PPP1R21: variants seen among roughly 807,000 people sequenced by gnomAD.
PPP1R21 encodes the protein protein phosphatase 1 regulatory subunit 21.
In PPP1R21, 85 loss-of-function variants were observed where a neutral mutation model predicts 112.8. The observed-to-expected ratio is 0.75, with a 90% CI of 0.63 to 0.90. The LOEUF (loss-of-function observed/expected upper bound fraction) is 0.90. Ranked by LOEUF, PPP1R21 falls within the 40% of genes least tolerant of loss-of-function variation. The probability of loss-of-function intolerance (pLI) is 0.00; values close to 1 mark genes in which losing one functional copy is unlikely to be tolerated. For synonymous variants in PPP1R21, 381 were observed against 322.3 expected (o/e 1.18, Z -1.95); for missense variants, 1,199 against 901.5 (o/e 1.33, Z -4.23).
intron 15 of PPP1R21, 98 bp from the exon 16 acceptor site, chr2:48,495,581 T>A: frequency 1.4e-6 from 1 of 691,448 alleles, no homozygotes; most frequent in East Asian, 2.5e-5. Flanking sequence ...CATCTGAATT[T>A]ATTGTCACAC....
intron 12 of PPP1R21, among the ~76,000 whole-genome samples, chr2:48,478,543 T>A (rs571583800): frequency 3.9e-5 from 6 of 152,318 alleles, no homozygotes; most frequent in African/African-American, 1.4e-4. Context: ...GCTGATTGAT[T>A]GCTCTCATTT....
At chr2:48,512,808 G>C (rs886247332) in intron 21 of PPP1R21, among the ~76,000 whole-genome samples, 4 of 149,706 alleles carry the variant, frequency 2.7e-5, no homozygotes, top group African/African-American at 7.3e-5. Context: ...CTTGAGCTTG[G>C]GGGTAAGGGA....
intron 9 of PPP1R21, among the ~76,000 whole-genome samples, chr2:48,469,287 GTGTGTGTGTATGTA>G (rs1432922625): frequency 3.8e-5 from 2 of 51,998 alleles, no homozygotes; most frequent in East Asian, 4.0e-4. Flanking sequence ...GTGTGTGTGT[GTGTGTGTGTATGTA>G]TATATATACA....
At chr2:48,479,319 C>T (rs1476048489) in intron 12 of PPP1R21, among the ~76,000 whole-genome samples, 1 of 152,214 alleles carries the variant, frequency 6.6e-6, no homozygotes, top group Non-Finnish European at 1.5e-5. Flanking sequence ...ATTTCTGTCT[C>T]CCTGAGCTGT....
At position 48,440,971 on chromosome 2, in the gene PPP1R21, G is replaced by A. The variant is rs548483183; in HGVS notation, c.18G>A (p.Leu6=). The A allele has an allele frequency of 3.1e-6, 5 of 1,612,022 alleles. No homozygotes were observed. The highest frequency in any genetic ancestry group is 1.7e-5 in the Admixed American group (1 of 59,932). The change falls in exon 1 of 22, where the codon TTG becomes TTA. Residue 6 remains leucine, a synonymous_variant. Coordinates refer to ENST00000294952, the MANE Select transcript of PPP1R21 (RefSeq NM_001135629.3). ...GGGAGGCCATGGCCTCGGCTGAGTT[G>A]CAGGGGAAGTACCAGAAGCTGGCTC... MASAE[L]QGKYQKLAQE... is the part of the protein sequence containing the mutation.
intron 21 of PPP1R21, 74 bp from the exon 22 acceptor site, chr2:48,514,641 G>C: frequency 9.1e-7 from 1 of 1,101,000 alleles, no homozygotes. Flanking sequence ...CTTTCAGACA[G>C]CTTGGTTTAT....
chr2:48,472,073 C>T (rs13028156), intron 11 of PPP1R21, among the ~76,000 whole-genome samples: 1 of 151,496 alleles, frequency 6.6e-6, no homozygotes, highest in Non-Finnish European at 1.5e-5. Context: ...AACCCCGCCT[C>T]TTCTAAAAAT....
chr2:48,505,201 A>G lies in PPP1R21; in HGVS notation c.1936-363A>G, dbSNP rs923509484. 8.5e-5 allele frequency among the ~76,000 whole-genome samples: 13 copies of G among 152,216 alleles called. 1 individual carries two copies. Among genetic ancestry groups the G allele is most frequent in the African/African-American group, 3.1e-4 (13 of 41,454 alleles). On this transcript the variant is annotated intron_variant, in intron 17 of 21. Transcript: ENST00000294952. The stretch of plus-strand genomic sequence containing the variant: ...ATGTTTAATTATTATGGTCACCGTA[A>G]AAACGTCTTTACCCCTTCTTGGCTA...
chr2:48,473,820 T>G (rs1668626814), intron 11 of PPP1R21, among the ~76,000 whole-genome samples: 1 of 152,196 alleles, frequency 6.6e-6, no homozygotes, highest in African/African-American at 2.4e-5. Context: ...TTAAAAACCT[T>G]GTAATTAAGT....
chr2:48,457,060 A>AG (rs1667761007), intron 3 of PPP1R21, among the ~76,000 whole-genome samples: 1 of 152,064 alleles, frequency 6.6e-6, no homozygotes, highest in Non-Finnish European at 1.5e-5. Context: ...TCAAAAAAAA[A>AG]AAGATACATG....
intron 4 of PPP1R21, among the ~76,000 whole-genome samples, chr2:48,458,961 A>G (rs968758738): frequency 6.6e-6 from 1 of 151,916 alleles, no homozygotes; most frequent in Non-Finnish European, 1.5e-5. Flanking sequence ...GCGTGGTGGT[A>G]GACACCTGTA....
At chr2:48,488,704 A>G (rs1408607845) in intron 14 of PPP1R21, among the ~76,000 whole-genome samples, 2 of 152,162 alleles carry the variant, frequency 1.3e-5, no homozygotes, top group African/African-American at 4.8e-5. Flanking sequence ...TCTGATCTTC[A>G]CTCTGGAATT....
rs1049655756 is a variant in PPP1R21 at position 48,495,743 on chromosome 2, C to T, written c.1664C>T (p.Thr555Ile). The T allele has an allele frequency of 7.5e-6, 12 of 1,610,484 alleles. No individual in the cohort carries two copies. In the East Asian group the frequency reaches 1.1e-4, roughly 15 times the overall value. ...AACCGCCGCATCCTTCTCAGCTCTACTGAAAGTCGAGAAGGCCTTGCACAG... is the reference window on the plus strand; with the variant it reads ...AACCGCCGCATCCTTCTCAGCTCTATTGAAAGTCGAGAAGGCCTTGCACAG... The part of the protein sequence containing the change: ...LANRRILLSS[T>I]ESREGLAQQV... The change falls in exon 16 of 22, where the codon ACT becomes ATT. Residue 555 changes from threonine to isoleucine, a missense_variant. Thr to Ile is a moderately conservative substitution (Grantham distance 89). Coordinates refer to ENST00000294952, the MANE Select transcript of PPP1R21 (RefSeq NM_001135629.3).
intron 6 of PPP1R21, among the ~76,000 whole-genome samples, chr2:48,460,490 A>G (rs1429460335): frequency 2.0e-5 from 3 of 152,324 alleles, no homozygotes; most frequent in South Asian, 2.1e-4. Flanking sequence ...CACCATGCCA[A>G]TCTTTTAATG....
intron 14 of PPP1R21, among the ~76,000 whole-genome samples, chr2:48,489,413 A>G (rs745889139): frequency 2.0e-5 from 3 of 150,680 alleles, no homozygotes; most frequent in Non-Finnish European, 3.0e-5. Flanking sequence ...AGGTAAGAGG[A>G]TTACTTGAGC....
intron 13 of PPP1R21, among the ~76,000 whole-genome samples, chr2:48,482,916 C>A (rs555447908): frequency 2.6e-5 from 4 of 152,104 alleles, no homozygotes; most frequent in Non-Finnish European, 4.4e-5. Flanking sequence ...TGCCATTCTT[C>A]CTGATGCTAT....
chr2:48,504,320 C>T (rs1273998912), intron 17 of PPP1R21, among the ~76,000 whole-genome samples: 1 of 152,140 alleles, frequency 6.6e-6, no homozygotes, highest in Non-Finnish European at 1.5e-5. Context: ...CAGAACAATA[C>T]TCCAGAGGAA....
chr2:48,443,740 A>G (rs1057082421), intron 1 of PPP1R21, among the ~76,000 whole-genome samples: 10 of 152,238 alleles, frequency 6.6e-5, no homozygotes, highest in African/African-American at 1.9e-4. Context: ...GGCAATTTCT[A>G]GATAAGATCT....
intron 1 of PPP1R21, chr2:48,441,400 A>C: frequency 3.3e-6 from 1 of 302,738 alleles, no homozygotes; most frequent in Non-Finnish European, 6.6e-6. Flanking sequence ...GGGAAGATCA[A>C]CCCTTCTCCC....
Sources: allele counts gnomAD v4.1 joint callset (sites outside exome capture counted in the v4.1 genomes callset), GRCh38; gene constraint gnomAD v4.1.1; transcripts MANE v1.5; gene names NCBI Gene and HGNC (gene_info 2026-07-23, HGNC 2026-07-21).